Variants in EXOC6B observed in about 807,000 individuals in gnomAD.
The protein encoded by EXOC6B is exocyst complex component 6B.
Under a neutral mutation model 113.5 loss-of-function variants are expected in EXOC6B, and 54 were observed. The ratio of observed to expected loss-of-function variants is 0.48; its 90% confidence interval spans 0.38 to 0.60. The LOEUF (loss-of-function observed/expected upper bound fraction) is 0.60. Ranked by LOEUF, EXOC6B falls within the 20% of genes least tolerant of loss-of-function variation. EXOC6B has a pLI of 0.00. For synonymous variants in EXOC6B, 357 were observed against 339.0 expected (o/e 1.05, Z -0.58); for missense variants, 797 against 977.5 (o/e 0.82, Z 2.46).
intron 7 of EXOC6B, among the ~76,000 whole-genome samples, chr2:72,571,906 T>TAATA (rs1321799505): frequency 1.3e-5 from 2 of 152,126 alleles, no homozygotes; most frequent in East Asian, 3.8e-4. Flanking sequence ...AAAGACACAG[T>TAATA]AATAGCCTTA....
At chr2:72,262,676 G>C (rs1683807841) in intron 20 of EXOC6B, among the ~76,000 whole-genome samples, 1 of 152,198 alleles carries the variant, frequency 6.6e-6, no homozygotes, top group Middle Eastern at 3.4e-3. Context: ...AGAAGTTCAA[G>C]AGCACTGAGC....
chr2:72,470,711 T>C (rs561956556), intron 17 of EXOC6B, among the ~76,000 whole-genome samples: 3 of 146,618 alleles, frequency 2.0e-5, no homozygotes, highest in Non-Finnish European at 4.5e-5. Flanking sequence ...AGTGAGAACA[T>C]GTGGTGTTTG....
chr2:72,518,541 C>T (rs943251600), intron 8 of EXOC6B, among the ~76,000 whole-genome samples: 10 of 149,362 alleles, frequency 6.7e-5, no homozygotes, highest in East Asian at 2.0e-4. Context: ...GAAGTGTCAA[C>T]GAAAGCTTCT....
At chr2:72,656,409 C>T (rs902542183) in intron 6 of EXOC6B, among the ~76,000 whole-genome samples, 1 of 151,808 alleles carries the variant, frequency 6.6e-6, no homozygotes, top group Non-Finnish European at 1.5e-5. Flanking sequence ...TGAAGAAAGA[C>T]TTCAAACAGA....
chr2:72,815,916 T>C (rs983126560), intron 1 of EXOC6B, among the ~76,000 whole-genome samples: 1 of 152,202 alleles, frequency 6.6e-6, no homozygotes, highest in Non-Finnish European at 1.5e-5. Flanking sequence ...CCCAGTACTT[T>C]GGGAGGCCAA....
At chr2:72,461,264 C>A (rs1055326235) in intron 18 of EXOC6B, among the ~76,000 whole-genome samples, 1 of 147,008 alleles carries the variant, frequency 6.8e-6, no homozygotes, top group Non-Finnish European at 1.5e-5. Flanking sequence ...TGCTAAATGA[C>A]GAGTTAATGA....
At chr2:72,193,907 A>G (rs1047819283) in intron 20 of EXOC6B, among the ~76,000 whole-genome samples, 7 of 152,216 alleles carry the variant, frequency 4.6e-5, no homozygotes, top group Non-Finnish European at 7.3e-5. Context: ...TGTTGTAAAT[A>G]AAGTTTTGTT....
In EXOC6B at chr2:72,470,324, C is replaced by G. The variant is rs80158200; in HGVS notation, c.1801-4985G>C. Among the ~76,000 whole-genome samples the G allele has an allele frequency of 3.4e-3, 512 of 152,048 alleles. 1 individual carries two copies. The highest frequency in any genetic ancestry group is 0.011 in the African/African-American group (475 of 41,486). ...CTGGTTAAACTTATTCCTAGGTATT[C>G]TAATGTTTTTGAAGCTATTGTAAAT... On this transcript the variant is annotated intron_variant, in intron 17 of 21. Transcript: ENST00000272427.
intron 5 of EXOC6B, among the ~76,000 whole-genome samples, chr2:72,725,590 C>T (rs1179122940): frequency 1.3e-5 from 2 of 152,104 alleles, no homozygotes; most frequent in East Asian, 3.9e-4. Context: ...TGGGGTTTCA[C>T]CATGTTAGCC....
At chr2:72,805,012 G>C (rs889727649) in intron 1 of EXOC6B, among the ~76,000 whole-genome samples, 2 of 152,164 alleles carry the variant, frequency 1.3e-5, no homozygotes, top group African/African-American at 4.8e-5. Flanking sequence ...AGTATTTCTA[G>C]TAACTTGTTG....
Position 72,495,434 on chromosome 2 carries a change from G to A in EXOC6B, c.1549C>T (p.Leu517=), listed in dbSNP as rs777965638. 5 of 1,498,408 alleles carry A rather than the reference G, an allele frequency of 3.3e-6. No individual in the cohort carries two copies. In the East Asian group the frequency reaches 6.8e-5, roughly 20 times the overall value. 92.8% of individuals were successfully genotyped at this position (1,498,408 alleles called of 1,614,324 possible). The change falls in exon 15 of 22, where the codon CTA becomes TTA. Residue 517 remains leucine, a synonymous_variant. Coordinates refer to ENST00000272427, the MANE Select transcript of EXOC6B (RefSeq NM_015189.3). ...TTCTACTATTTTGTATTATACCTTA[G>A]ATGAAGATCTTCTGAAAACTTCAGA... ...ACLKFSEDLH[L]SSTEVDDMIR...
intron 20 of EXOC6B, among the ~76,000 whole-genome samples, chr2:72,249,455 C>G (rs767324958): frequency 4.6e-5 from 7 of 151,650 alleles, no homozygotes; most frequent in Non-Finnish European, 1.0e-4. Context: ...CGGGGTTTCA[C>G]CGTGTTAGCC....
intron 18 of EXOC6B, among the ~76,000 whole-genome samples, chr2:72,406,951 CTAATAAAGAA>C (rs1693817173): frequency 6.6e-6 from 1 of 151,880 alleles, no homozygotes; most frequent in Non-Finnish European, 1.5e-5. Context: ...AATTGATAGA[CTAATAAAGAA>C]GACTAGCAAG....
At chr2:72,671,225 C>T (rs1344200227) in intron 6 of EXOC6B, among the ~76,000 whole-genome samples, 1 of 152,120 alleles carries the variant, frequency 6.6e-6, no homozygotes, top group Non-Finnish European at 1.5e-5. Flanking sequence ...GGTGAAGAGA[C>T]AACCAAAGAA....
intron 18 of EXOC6B, among the ~76,000 whole-genome samples, chr2:72,387,566 T>C (rs1021974429): frequency 1.3e-5 from 2 of 152,142 alleles, no homozygotes; most frequent in African/African-American, 4.8e-5. Flanking sequence ...TTGTGTCTTT[T>C]ATAAATGTAT....
At chr2:72,390,422 TC>T (rs1170038486) in intron 18 of EXOC6B, among the ~76,000 whole-genome samples, 1 of 152,338 alleles carries the variant, frequency 6.6e-6, no homozygotes, top group East Asian at 1.9e-4. Flanking sequence ...CTGATTTTCT[TC>T]CATGTTATGG....
chr2:72,560,509 T>C (rs1703831497), intron 7 of EXOC6B, among the ~76,000 whole-genome samples: 1 of 151,792 alleles, frequency 6.6e-6, no homozygotes. Flanking sequence ...TTTTCCCTTA[T>C]TTCATAAAGT....
chr2:72,288,409 A>G (rs748204889), intron 20 of EXOC6B, among the ~76,000 whole-genome samples: 9 of 152,124 alleles, frequency 5.9e-5, no homozygotes, highest in Non-Finnish European at 1.3e-4. Context: ...TAAAAAAAAG[A>G]CAAGACAACA....
intron 6 of EXOC6B, among the ~76,000 whole-genome samples, chr2:72,587,125 C>A (rs1372138814): frequency 2.0e-5 from 3 of 152,080 alleles, no homozygotes; most frequent in Non-Finnish European, 2.9e-5. Context: ...ATGTTCATTG[C>A]AGCACTATTC....
Sources: gnomAD v4.1 joint callset for allele counts (sites outside exome capture counted in the v4.1 genomes callset) on GRCh38, gnomAD v4.1.1 for gene constraint, MANE v1.5 for transcripts, NCBI Gene and HGNC (gene_info 2026-07-23, HGNC 2026-07-21) for gene names.